DPP6: variants seen among roughly 807,000 people sequenced by gnomAD.
DPP6 encodes dipeptidyl peptidase like 6.
DPP6 carries 69 observed loss-of-function variants against 122.6 expected under a neutral mutation model. The observed-to-expected ratio is 0.56, with a 90% CI of 0.46 to 0.69. The LOEUF (loss-of-function observed/expected upper bound fraction) is 0.69. DPP6 is among the 30% of genes least tolerant of loss of function. DPP6 has a pLI of 0.00. For missense variants in DPP6, 928 were observed against 1,116.9 expected, an observed-to-expected ratio of 0.83 and a Z score of 2.41; for synonymous variants, 418 against 433.1, an observed-to-expected ratio of 0.97 and a Z score of 0.43.
At chr7:153,837,843 T>TC in the DPP6 span, among the ~76,000 whole-genome samples, 1 of 136,846 alleles carries the variant, frequency 7.3e-6, no homozygotes, top group African/African-American at 2.9e-5. Flanking sequence ...GTTAATTTTT[T>TC]TTTTTTTTTT....
intron 7 of DPP6, among the ~76,000 whole-genome samples, chr7:154,670,806 A>G (rs957222317): frequency 6.6e-6 from 1 of 152,218 alleles, no homozygotes; most frequent in Non-Finnish European, 1.5e-5. Context: ...CCATAGTACA[A>G]TCACATTTTC....
In DPP6 at chr7:153,966,217, C is replaced by T. The variant is rs561743306; in HGVS notation, c.51+78483C>T. On this transcript the variant is annotated intron_variant, in intron 1 of 25. Coordinates refer to the DPP6 transcript ENST00000404039. Reference sequence around the variant, plus strand: ...TGAGCTGATTAGATTGAAAAACACACATATATGGGGCTGTGACCTGAACTA... The same window carrying T: ...TGAGCTGATTAGATTGAAAAACACATATATATGGGGCTGTGACCTGAACTA... Among the ~76,000 whole-genome samples the T allele has an allele frequency of 2.0e-5, 3 of 148,672 alleles. No individual in the cohort carries two copies. In the East Asian group the frequency reaches 6.0e-4, roughly 30 times the overall value.
At chr7:154,297,767 A>G (rs1805637959) in intron 1 of DPP6, among the ~76,000 whole-genome samples, 2 of 152,146 alleles carry the variant, frequency 1.3e-5, no homozygotes, top group Non-Finnish European at 2.9e-5. Flanking sequence ...GTTTTCTCCC[A>G]CGAAGGGTTT....
chr7:154,305,295 C>G (rs1278126666), intron 1 of DPP6: 1 of 1,348,424 alleles, frequency 7.4e-7, no homozygotes, highest in Non-Finnish European at 9.5e-7. Context: ...TTCGGATCCT[C>G]TCTCTGCTGC....
At chr7:153,785,245 GCT>G in the DPP6 span, among the ~76,000 whole-genome samples, 4 of 152,110 alleles carry the variant, frequency 2.6e-5, no homozygotes, top group Non-Finnish European at 4.4e-5. Context: ...TGCACGTTCT[GCT>G]CTGCTCCCTT....
At chr7:154,017,897 C>T (rs995728124) in intron 1 of DPP6, among the ~76,000 whole-genome samples, 48 of 151,828 alleles carry the variant, frequency 3.2e-4, no homozygotes, top group Non-Finnish European at 5.1e-4. Context: ...ATAAGGAATT[C>T]GTAAATACAA....
At chr7:153,802,767 C>G in the DPP6 span, among the ~76,000 whole-genome samples, 1 of 152,182 alleles carries the variant, frequency 6.6e-6, no homozygotes, top group Admixed American at 6.5e-5. Flanking sequence ...AAGAAGCCCC[C>G]TATTTTTTAT....
chr7:154,262,473 C>T (rs561252870), intron 1 of DPP6, among the ~76,000 whole-genome samples: 12 of 152,044 alleles, frequency 7.9e-5, no homozygotes, highest in South Asian at 6.3e-4. Context: ...GAGAAGGTGC[C>T]GTCTGCAAGC....
intron 1 of DPP6, among the ~76,000 whole-genome samples, chr7:154,171,904 C>T (rs918258991): frequency 2.0e-5 from 3 of 152,168 alleles, no homozygotes; most frequent in Admixed American, 6.5e-5. Context: ...ATGGTAATTT[C>T]TGTCTTAGTG....
chr7:154,673,877 C>G (rs7793577), intron 7 of DPP6, among the ~76,000 whole-genome samples: 24,381 of 148,676 alleles, frequency 0.16, 2,109 homozygotes, highest in East Asian at 0.34. Context: ...CTCCATGTTT[C>G]TTTCTTTTTT....
chr7:154,018,997 A>T (rs1178149679), intron 1 of DPP6, among the ~76,000 whole-genome samples: 1 of 152,236 alleles, frequency 6.6e-6, no homozygotes, highest in Non-Finnish European at 1.5e-5. Context: ...ATGCAAAACA[A>T]ATACAATAAA....
intron 1 of DPP6, among the ~76,000 whole-genome samples, chr7:153,931,416 C>T (rs2129013186): frequency 6.6e-6 from 1 of 152,306 alleles, no homozygotes; most frequent in East Asian, 1.9e-4. Context: ...GGAAGCTTGA[C>T]AGTCTTACCA....
chr7:154,008,833 T>A (rs1798033860), intron 1 of DPP6, among the ~76,000 whole-genome samples: 1 of 151,654 alleles, frequency 6.6e-6, no homozygotes, highest in Non-Finnish European at 1.5e-5. Flanking sequence ...GGCTAATTTT[T>A]TTTTTGTATT....
chr7:153,777,397 A>G, the DPP6 span, among the ~76,000 whole-genome samples: 2 of 142,994 alleles, frequency 1.4e-5, no homozygotes, highest in South Asian at 4.8e-4. Flanking sequence ...TATTTACTCA[A>G]GAGAAATGAA....
At chr7:154,506,442 G>A (rs1825672121) in intron 3 of DPP6, among the ~76,000 whole-genome samples, 1 of 151,936 alleles carries the variant, frequency 6.6e-6, no homozygotes, top group African/African-American at 2.4e-5. Flanking sequence ...GTGTTTAATG[G>A]TATATTTCAT....
Position 154,246,694 on chromosome 7 carries a change from A to G in DPP6, c.243+193631A>G, listed in dbSNP as rs1802005176. Among the ~76,000 whole-genome samples, 3 of 152,206 alleles carry G rather than the reference A, an allele frequency of 2.0e-5. No homozygotes were observed. The South Asian group carries it at 6.2e-4, about 32-fold the overall frequency. On this transcript the variant is annotated intron_variant, in intron 1 of 25. Transcript: ENST00000377770. ...TAGCATAAGAAAAGACAAATAATCAACGGAACTCATTTCTGAAGAGTCCAG... is the reference window on the plus strand; with the variant it reads ...TAGCATAAGAAAAGACAAATAATCAGCGGAACTCATTTCTGAAGAGTCCAG...
intron 5 of DPP6, among the ~76,000 whole-genome samples, chr7:154,614,343 C>G (rs1834097384): frequency 6.6e-6 from 1 of 152,112 alleles, no homozygotes; most frequent in Non-Finnish European, 1.5e-5. Context: ...TGGAATTAGC[C>G]TAGGTTTTTT....
intron 16 of DPP6, among the ~76,000 whole-genome samples, chr7:154,851,050 A>G (rs1802331682): frequency 6.6e-6 from 1 of 152,240 alleles, no homozygotes; most frequent in Non-Finnish European, 1.5e-5. Context: ...AACATTTAAG[A>G]ACATTTTAGC....
At chr7:154,156,513 A>G (rs540443789) in intron 1 of DPP6, among the ~76,000 whole-genome samples, 111 of 152,348 alleles carry the variant, frequency 7.3e-4, no homozygotes, top group African/African-American at 2.5e-3. Flanking sequence ...GTTGATCTTT[A>G]TTGGATATAG....
Sources: allele counts gnomAD v4.1 joint callset (sites outside exome capture counted in the v4.1 genomes callset), GRCh38; gene constraint gnomAD v4.1.1; transcripts MANE v1.5; gene names NCBI Gene and HGNC (gene_info 2026-07-23, HGNC 2026-07-21).